Variants in PNPLA8 observed in about 807,000 individuals in gnomAD.
PNPLA8 encodes the protein patatin like domain 8, phospholipase A2, also known as calcium-independent phospholipase A2-gamma.
A neutral mutation model predicts 76.9 loss-of-function variants in PNPLA8; 39 were observed. That is an observed-to-expected ratio of 0.51 (90% CI 0.39 to 0.66). The LOEUF is 0.66. Among genes scored for constraint, PNPLA8 ranks in the 30% least tolerant of loss-of-function variants. PNPLA8 has a pLI of 0.00. For missense variants in PNPLA8, 887 were observed against 918.0 expected (o/e 0.97, Z 0.44); for synonymous variants, 301 against 307.9 (o/e 0.98, Z 0.24).
chr7:108,488,560 G>A (rs1050652984), intron 8 of PNPLA8, among the ~76,000 whole-genome samples: 2 of 152,112 alleles, frequency 1.3e-5, no homozygotes, highest in Non-Finnish European at 2.9e-5. Context: ...TGACAAGAGT[G>A]GGACTCTGTC....
chr7:108,526,186 AGCGGAAGTGAC>A, upstream of PNPLA8: 1 of 729,350 alleles, frequency 1.4e-6, no homozygotes, highest in Non-Finnish European at 1.7e-6. Context: ...CTCCGCCCCC[AGCGGAAGTGAC>A]GCGCTAGAAG....
chr7:108,526,916 TTA>T (rs1240010105), upstream of PNPLA8, among the ~76,000 whole-genome samples: 1 of 152,244 alleles, frequency 6.6e-6, no homozygotes, highest in African/African-American at 2.4e-5. Flanking sequence ...CAGATGACAA[TTA>T]TATGACATTC....
In PNPLA8 at chr7:108,487,898, A is replaced by C; in HGVS notation, c.1739T>G (p.Phe580Cys). The C allele has an allele frequency of 6.2e-7, 1 of 1,613,598 alleles. No individual in the cohort carries two copies. Among genetic ancestry groups the C allele is most frequent in the Non-Finnish European group, 8.5e-7 (1 of 1,179,582 alleles). ...TCCAGGAAAATGACCATAGTTTCTG[A>C]ACACAAAAGCTTTGGGTGTTATCCC... ...NRGITPKAFV[F>C]RNYGHFPGIN... The change falls in exon 9 of 11, where the codon TTC becomes TGC. Residue 580 changes from phenylalanine (F) to cysteine (C), a missense_variant. Physicochemically the swap from Phe to Cys is radical, Grantham distance 205 (BLOSUM62 -2). Coordinates refer to ENST00000257694, the MANE Select transcript of PNPLA8 (RefSeq NM_001256007.3).
At chr7:108,478,673 T>C (rs1004371688) in intron 10 of PNPLA8, among the ~76,000 whole-genome samples, 4 of 152,212 alleles carry the variant, frequency 2.6e-5, no homozygotes, top group Non-Finnish European at 5.9e-5. Context: ...ATTACTGGTA[T>C]GAGCCATCGT....
intron 10 of PNPLA8, among the ~76,000 whole-genome samples, chr7:108,476,536 T>C (rs1453524975): frequency 6.6e-6 from 1 of 152,198 alleles, no homozygotes; most frequent in Non-Finnish European, 1.5e-5. Context: ...AAACTGTTTA[T>C]AGGAATGTAA....
At chr7:108,510,086 G>GCACA (rs1862788375) in intron 4 of PNPLA8, 2 of 466,372 alleles carry the variant, frequency 4.3e-6, no homozygotes, top group Non-Finnish European at 7.4e-6. Context: ...TAGATGATGA[G>GCACA]TTAGTGGGTG....
At position 108,514,815 on chromosome 7, in the gene PNPLA8, T is replaced by C; in HGVS notation, c.677A>G (p.Glu226Gly). 6.2e-7 allele frequency: 1 copy of C among 1,613,556 alleles called. No homozygotes were observed. Among genetic ancestry groups the C allele is most frequent in the Non-Finnish European group, 8.5e-7 (1 of 1,179,540 alleles). Residue 226 changes from glutamate to glycine, a missense_variant, in exon 3 of 11, where the codon GAA (glutamate) becomes GGA (glycine). Transcript: ENST00000257694. ...TGATTTGTCCCGGAAATGTTCATTT[T>C]CCTTTTGTTGAGACATTTTTTCCTT... ...KRKEKMSQQK[E>G]NEHFRDKSEL...
intron 9 of PNPLA8, among the ~76,000 whole-genome samples, chr7:108,482,151 TG>T (rs1257262637): frequency 6.6e-6 from 1 of 152,238 alleles, no homozygotes; most frequent in African/African-American, 2.4e-5. Context: ...TTGACTAGTG[TG>T]ATTCCTTGAA....
In PNPLA8 at chr7:108,496,769, T is replaced by C. The variant is rs1299996705; in HGVS notation, c.1454-14A>G. 2 of 1,599,928 alleles carry C rather than the reference T, an allele frequency of 1.3e-6. No individual in the cohort carries two copies. Among genetic ancestry groups the C allele is most frequent in the South Asian group, 2.2e-5 (2 of 89,876 alleles). ...CTAATATGGCACCTGGAAAAAAGAA[T>C]CCTTAGCTTTTATCAGTGTTAAGTT... On this transcript the variant is annotated splice_polypyrimidine_tract_variant and intron_variant, in intron 6 of 10. Coordinates refer to ENST00000257694, the MANE Select transcript of PNPLA8 (RefSeq NM_001256007.3).
Position 108,514,626 on chromosome 7 carries a change from T to C in PNPLA8, c.866A>G (p.Asn289Ser), listed in dbSNP as rs1239011268. 2 of 1,613,910 alleles carry C rather than the reference T, an allele frequency of 1.2e-6. No individual in the cohort carries two copies. Among genetic ancestry groups the C allele is most frequent in the East Asian group, 4.5e-5 (2 of 44,876 alleles). The change falls in exon 3 of 11, where the codon AAC becomes AGC. Residue 289 changes from asparagine (N) to serine (S), a missense_variant. By Grantham distance (46) the Asn-to-Ser change is conservative (BLOSUM62 1). Transcript: ENST00000257694. ...LQVSTKQSIA[N>S]FLSRPTEGVQ... ...ACCTTCCGTGGGACGAGAAAGAAAG[T>C]TAGCAATACTTTGTTTAGTTGAAAC...
chr7:108,501,625 C>T (rs538804703), intron 5 of PNPLA8, among the ~76,000 whole-genome samples: 1 of 152,156 alleles, frequency 6.6e-6, no homozygotes, highest in Non-Finnish European at 1.5e-5. Context: ...GAGTTCAAGA[C>T]CAGCCTAGAC....
At chr7:108,514,039 C>A in intron 4 of PNPLA8, 105 bp downstream of exon 4, 2 of 777,702 alleles carry the variant, frequency 2.6e-6, no homozygotes, top group Non-Finnish European at 4.2e-6. Context: ...TAATAAAAAC[C>A]ACAAAATTCA....
At chr7:108,523,240 C>T (rs1310366004) in intron 1 of PNPLA8, among the ~76,000 whole-genome samples, 1 of 152,104 alleles carries the variant, frequency 6.6e-6, no homozygotes, top group Non-Finnish European at 1.5e-5. Flanking sequence ...AATGAATTTA[C>T]AGAGTATGTC....
At chr7:108,517,770 G>A (rs1245006984) in intron 2 of PNPLA8, among the ~76,000 whole-genome samples, 2 of 151,972 alleles carry the variant, frequency 1.3e-5, no homozygotes. Flanking sequence ...TGGGGTGTCT[G>A]TGTGTGTGTG....
At chr7:108,516,554 A>AT (rs1863355886) in intron 2 of PNPLA8, among the ~76,000 whole-genome samples, 2 of 152,226 alleles carry the variant, frequency 1.3e-5, no homozygotes, top group South Asian at 4.1e-4. Flanking sequence ...CTTTGAGACA[A>AT]TATCAAATGC....
rs180705788 is a variant in PNPLA8, at chr7:108,504,419, A to G, written c.1207-1777T>C. On this transcript the variant is annotated intron_variant, in intron 4 of 10. Coordinates refer to ENST00000257694, the MANE Select transcript of PNPLA8 (RefSeq NM_001256007.3). ...GAATTAGTTAAATAAAATCATTCCA[A>G]TGGAAGATGTAAAAGACACCCAACA... Among the ~76,000 whole-genome samples the G allele has an allele frequency of 1.4e-3, 187 of 130,144 alleles. 1 individual carries two copies. Among genetic ancestry groups the G allele is most frequent in the African/African-American group, 4.7e-3 (181 of 38,428 alleles). The allele number at this position is 130,144 out of a possible 152,430, so 85.4% of individuals were successfully genotyped here.
chr7:108,510,970 G>C (rs1251114022), intron 4 of PNPLA8: 78 of 1,458,872 alleles, frequency 5.3e-5, no homozygotes, highest in Non-Finnish European at 7.2e-5. Context: ...TTAGAAGAAT[G>C]AACTAAGGTG....
At chr7:108,519,278 T>C (rs1404482150) in intron 2 of PNPLA8, among the ~76,000 whole-genome samples, 2 of 152,082 alleles carry the variant, frequency 1.3e-5, no homozygotes, top group African/African-American at 4.8e-5. Flanking sequence ...CACATGCCTG[T>C]AGTCCTAGCT....
Position 108,496,770 on chromosome 7 carries a change from C to T in PNPLA8, c.1454-15G>A. On this transcript the variant is annotated splice_polypyrimidine_tract_variant and intron_variant, in intron 6 of 10. Coordinates refer to ENST00000257694, the MANE Select transcript of PNPLA8 (RefSeq NM_001256007.3). ...TAATATGGCACCTGGAAAAAAGAAT[C>T]CTTAGCTTTTATCAGTGTTAAGTTA... 6.3e-7 allele frequency: 1 copy of T among 1,599,614 alleles called. No homozygotes were observed. Among genetic ancestry groups the T allele is most frequent in the South Asian group, 1.1e-5 (1 of 89,812 alleles).
Sources: allele counts gnomAD v4.1 joint callset (sites outside exome capture counted in the v4.1 genomes callset), GRCh38; gene constraint gnomAD v4.1.1; transcripts MANE v1.5; gene names NCBI Gene and HGNC (gene_info 2026-07-23, HGNC 2026-07-21).